The following EML6 variants were observed in gnomAD, a reference collection of about 807,000 sequenced individuals.
EML6 encodes EMAP like 6.
A neutral mutation model predicts 240.1 loss-of-function variants in EML6; 154 were observed. The observed-to-expected ratio is 0.64, with a 90% CI of 0.56 to 0.73. EML6 has a LOEUF of 0.73. Among genes scored for constraint, EML6 ranks in the 30% least tolerant of loss-of-function variants. The probability of loss-of-function intolerance (pLI) is 0.00; values close to 1 mark genes in which losing one functional copy is unlikely to be tolerated. For synonymous variants in EML6, 1,148 were observed against 899.0 expected (o/e 1.28, Z -4.95); for missense variants, 2,964 against 2,474.6 (o/e 1.20, Z -4.20).
At chr2:54,852,033 G>A (rs145196202) in intron 10 of EML6, among the ~76,000 whole-genome samples, 175 of 152,302 alleles carry the variant, frequency 1.1e-3, no homozygotes, top group African/African-American at 3.9e-3. Flanking sequence ...TCTGAGATCA[G>A]CTTAGAACTC....
intron 2 of EML6, among the ~76,000 whole-genome samples, chr2:54,726,188 A>T (rs1353073040): frequency 1.3e-5 from 2 of 152,232 alleles, no homozygotes; most frequent in East Asian, 3.8e-4. Context: ...GCCTCAGCCC[A>T]CAGGGAAAAT....
chr2:54,828,202 T>A (rs1294431008), intron 6 of EML6, among the ~76,000 whole-genome samples: 1 of 152,200 alleles, frequency 6.6e-6, no homozygotes, highest in East Asian at 1.9e-4. Flanking sequence ...AAGATAGATT[T>A]TCCTCATTCT....
chr2:54,890,936 T>G, intron 17 of EML6, 118 bp from the exon 18 acceptor site: 1 of 475,892 alleles, frequency 2.1e-6, no homozygotes, highest in Non-Finnish European at 3.7e-6. Flanking sequence ...TTTTAAACCA[T>G]TTTCTAATTT....
chr2:54,836,183 G>C (rs969408757), intron 7 of EML6, among the ~76,000 whole-genome samples: 2 of 152,122 alleles, frequency 1.3e-5, no homozygotes, highest in African/African-American at 4.8e-5. Flanking sequence ...CGCAAGTTCC[G>C]TGTGTGACAT....
At chr2:54,824,738 C>T (rs990202211) in intron 5 of EML6, among the ~76,000 whole-genome samples, 12 of 152,102 alleles carry the variant, frequency 7.9e-5, no homozygotes, top group Non-Finnish European at 1.0e-4. Flanking sequence ...ACTGTTGAGC[C>T]GTCTCTAGTC....
chr2:54,971,196 C>A lies in EML6; in HGVS notation c.*1101C>A, dbSNP rs913006584. Reference sequence around the variant, plus strand: ...AATTATCTGCAGAACAAATTGTAAACCCAAGGAATAGCTGGTAAATCAAAA... The same window carrying A: ...AATTATCTGCAGAACAAATTGTAAAACCAAGGAATAGCTGGTAAATCAAAA... On this transcript the variant is annotated 3_prime_UTR_variant, in exon 42 of 42. Coordinates refer to ENST00000356458, the MANE Select transcript of EML6 (RefSeq NM_001039753.4). 1 of 152,154 alleles carries A rather than the reference C, an allele frequency of 6.6e-6. No individual in the cohort carries two copies. The highest frequency in any genetic ancestry group is 2.1e-4 in the South Asian group (1 of 4,822). The allele number at this position is 152,154 out of a possible 1,614,324, so 9.4% of individuals were successfully genotyped here.
At chr2:54,797,244 GC>G (rs1669866448) in intron 2 of EML6, among the ~76,000 whole-genome samples, 1 of 147,934 alleles carries the variant, frequency 6.8e-6, no homozygotes, top group Non-Finnish European at 1.5e-5. Flanking sequence ...ATTATAATAA[GC>G]CCCACCTGTT....
intron 22 of EML6, among the ~76,000 whole-genome samples, chr2:54,902,822 G>C (rs1004712290): frequency 4.6e-5 from 7 of 152,196 alleles, no homozygotes; most frequent in African/African-American, 1.7e-4. Flanking sequence ...AGTTCCACCT[G>C]CCTCGACCTT....
chr2:54,797,177 A>AAAAAAAAAAAAAAAAAAAAAC (rs1669850770), intron 2 of EML6, among the ~76,000 whole-genome samples: 5 of 132,688 alleles, frequency 3.8e-5, no homozygotes, highest in Non-Finnish European at 6.5e-5. Flanking sequence ...AAAAAAAAAA[A>AAAAAAAAAAAAAAAAAAAAAC]AAAAAAAAAA....
Position 54,836,516 on chromosome 2 carries a change from C to T in EML6, c.847+7039C>T, listed in dbSNP as rs187993059. On this transcript the variant is annotated intron_variant, in intron 7 of 41. Transcript: ENST00000356458. ...GGAGCAGCAGGTCATAGGCAGTCCA[C>T]GCTTAGGATGACCTGCAGCCCCAGC... is the stretch of plus-strand genomic sequence containing the variant. Among the ~76,000 whole-genome samples the T allele has an allele frequency of 4.1e-4, 62 of 152,334 alleles. No individual in the cohort carries two copies. In the East Asian group the frequency reaches 4.6e-3, roughly 11 times the overall value.
intron 1 of EML6, among the ~76,000 whole-genome samples, 168 bp downstream of exon 1, chr2:54,723,945 G>A (rs981082213): frequency 6.6e-6 from 1 of 152,224 alleles, no homozygotes; most frequent in Non-Finnish European, 1.5e-5. Context: ...GTGGGGGGTT[G>A]CTGTCCCCCG....
At chr2:54,822,070 A>T (rs1450446025) in intron 5 of EML6, among the ~76,000 whole-genome samples, 3 of 152,194 alleles carry the variant, frequency 2.0e-5, no homozygotes, top group Non-Finnish European at 2.9e-5. Flanking sequence ...TGTTCTCAAA[A>T]TGCAAAGATC....
intron 32 of EML6, among the ~76,000 whole-genome samples, chr2:54,956,590 C>G (rs890225720): frequency 2.0e-5 from 3 of 151,984 alleles, no homozygotes; most frequent in South Asian, 2.1e-4. Flanking sequence ...GTCAGAGATT[C>G]CATATGCAGA....
At chr2:54,913,892 C>T (rs564807421) in intron 25 of EML6, among the ~76,000 whole-genome samples, 4 of 152,266 alleles carry the variant, frequency 2.6e-5, no homozygotes, top group South Asian at 2.1e-4. Context: ...CCAGTTATCC[C>T]AGCACCATAT....
At chr2:54,936,001 G>A (rs1440598078) in intron 28 of EML6, among the ~76,000 whole-genome samples, 1 of 152,234 alleles carries the variant, frequency 6.6e-6, no homozygotes, top group African/African-American at 2.4e-5. Flanking sequence ...GTGCACTCCA[G>A]CCTGGCCAAC....
intron 2 of EML6, among the ~76,000 whole-genome samples, chr2:54,766,869 T>C (rs1421737517): frequency 6.6e-6 from 1 of 152,158 alleles, no homozygotes; most frequent in African/African-American, 2.4e-5. Context: ...TTCGTCATTA[T>C]ATGCCTTATT....
intron 5 of EML6, among the ~76,000 whole-genome samples, chr2:54,824,647 C>G (rs952034727): frequency 6.6e-6 from 1 of 152,118 alleles, no homozygotes; most frequent in South Asian, 2.1e-4. Context: ...TTATCTGAAA[C>G]GAATGCTTGA....
At chr2:54,762,482 G>A (rs72915567) in intron 2 of EML6, among the ~76,000 whole-genome samples, 5 of 151,944 alleles carry the variant, frequency 3.3e-5, no homozygotes, top group Non-Finnish European at 7.4e-5. Flanking sequence ...TGCTTTTTAA[G>A]ACTCCACATA....
intron 21 of EML6, 44 bp downstream of exon 21, chr2:54,895,444 G>T (rs1435547217): frequency 2.6e-6 from 4 of 1,543,482 alleles, no homozygotes; most frequent in South Asian, 2.4e-5. Context: ...CATCAAGGCT[G>T]GGACTAGAGT....
Sources: gnomAD v4.1 joint callset for allele counts (sites outside exome capture counted in the v4.1 genomes callset) on GRCh38, gnomAD v4.1.1 for gene constraint, MANE v1.5 for transcripts, NCBI Gene and HGNC (gene_info 2026-07-23, HGNC 2026-07-21) for gene names.